The following BCKDHB variants were observed in gnomAD, a reference collection of about 807,000 sequenced individuals.
BCKDHB encodes 2-oxoisovalerate dehydrogenase subunit beta, mitochondrial.
A neutral mutation model predicts 48.5 loss-of-function variants in BCKDHB; 41 were observed. The observed-to-expected ratio is 0.85, with a 90% CI of 0.66 to 1.10. The LOEUF (loss-of-function observed/expected upper bound fraction) is 1.10, where lower values mean the gene tolerates loss of function less well. Ranked by LOEUF, BCKDHB falls within the 50% of genes least tolerant of loss-of-function variation. The pLI is 0.00. For missense variants in BCKDHB, 496 were observed against 494.2 expected (o/e 1.00, Z -0.03); for synonymous variants, 201 against 174.8 (o/e 1.15, Z -1.18).
At position 80,218,995 on chromosome 6, in the gene BCKDHB, T is replaced by C. The variant is rs530117371; in HGVS notation, c.951+15783T>C. Among the ~76,000 whole-genome samples the C allele has an allele frequency of 6.8e-4, 104 of 152,298 alleles. 1 individual carries two copies. In the Middle Eastern group the frequency reaches 0.017, roughly 25 times the overall value. On this transcript the variant is annotated intron_variant, in intron 8 of 9. Coordinates refer to ENST00000320393, the MANE Select transcript of BCKDHB (RefSeq NM_183050.4). The stretch of plus-strand genomic sequence containing the variant: ...ACCCTAAAAGGAGATTCTCTTGGCA[T>C]CTAGATCAAATGGTTTGCCTTTTAA...
At chr6:80,314,307 G>A (rs1768324236) in intron 9 of BCKDHB, among the ~76,000 whole-genome samples, 1 of 152,318 alleles carries the variant, frequency 6.6e-6, no homozygotes, top group Middle Eastern at 3.4e-3. Flanking sequence ...ACTGGGATCA[G>A]GGTCCCACTT....
the BCKDHB span, among the ~76,000 whole-genome samples, chr6:80,428,679 T>G: frequency 1.3e-5 from 2 of 152,238 alleles, no homozygotes; most frequent in African/African-American, 4.8e-5. Flanking sequence ...TTTTGAGAAG[T>G]GTCTATTCAT....
intron 6 of BCKDHB, among the ~76,000 whole-genome samples, chr6:80,190,124 C>A (rs1429905078): frequency 6.6e-6 from 1 of 152,006 alleles, no homozygotes; most frequent in Non-Finnish European, 1.5e-5. Context: ...ATCACACCTG[C>A]TTTATGGAAT....
intron 8 of BCKDHB, among the ~76,000 whole-genome samples, chr6:80,263,779 T>C (rs1360219255): frequency 6.6e-6 from 1 of 152,114 alleles, no homozygotes; most frequent in Non-Finnish European, 1.5e-5. Context: ...CAGTGTAAAA[T>C]GTAACTGGCT....
the BCKDHB span, among the ~76,000 whole-genome samples, chr6:80,405,206 A>G: frequency 6.6e-6 from 1 of 152,128 alleles, no homozygotes; most frequent in Non-Finnish European, 1.5e-5. Context: ...TACTTTACAT[A>G]TCTAGGTACT....
At chr6:80,275,823 T>C (rs958157391) in intron 9 of BCKDHB, among the ~76,000 whole-genome samples, 1 of 151,994 alleles carries the variant, frequency 6.6e-6, no homozygotes, top group Non-Finnish European at 1.5e-5. Context: ...TTCCATATTA[T>C]AAGTGAAACC....
chr6:80,338,539 T>G (rs1052976620), intron 9 of BCKDHB, among the ~76,000 whole-genome samples: 19 of 152,196 alleles, frequency 1.2e-4, no homozygotes, highest in Non-Finnish European at 4.4e-5. Context: ...CTTACGTATT[T>G]TTGGTATTTT....
At position 80,345,700 on chromosome 6, in the gene BCKDHB, CT is replaced by C. The variant is rs1373668708; in HGVS notation, c.*1900del. 6.6e-6 allele frequency: 1 copy of C among 152,192 alleles called. No homozygotes were observed. Among genetic ancestry groups the C allele is most frequent in the East Asian group, 1.9e-4 (1 of 5,198 alleles). 9.4% of individuals were successfully genotyped at this position (152,192 alleles called of 1,614,324 possible). A position where few individuals can be genotyped will look rare whatever the true frequency, so the allele number is the denominator to read the frequency against. On this transcript the variant is annotated 3_prime_UTR_variant, in exon 10 of 10. Transcript: ENST00000320393. ...TAGAGCTGGTTAGAGGACTCCTTCA[CT>C]TTTGTTGTCCATGTGGTTCCCTTCC...
chr6:80,258,092 T>C (rs1185042898), intron 8 of BCKDHB, among the ~76,000 whole-genome samples: 2 of 152,298 alleles, frequency 1.3e-5, no homozygotes, highest in Admixed American at 6.5e-5. Flanking sequence ...GTACTATGTA[T>C]CCTCAGTTTC....
intron 1 of BCKDHB, among the ~76,000 whole-genome samples, chr6:80,124,312 G>A (rs1770214878): frequency 6.6e-6 from 1 of 152,106 alleles, no homozygotes; most frequent in African/African-American, 2.4e-5. Context: ...TTTACTTCCA[G>A]TTATGTGGTC....
the BCKDHB span, among the ~76,000 whole-genome samples, chr6:80,427,975 G>T: frequency 9.2e-5 from 14 of 151,716 alleles, no homozygotes; most frequent in Non-Finnish European, 1.8e-4. Context: ...GTGGTTTGCT[G>T]CACCGTCACC....
chr6:80,205,811 TGTGTGTGTGTGTGTGTGTGTGTGTAG>T (rs1774622731), intron 8 of BCKDHB, among the ~76,000 whole-genome samples: 1 of 147,104 alleles, frequency 6.8e-6, no homozygotes, highest in Non-Finnish European at 1.5e-5. Flanking sequence ...TGTGTGTGTG[TGTGTGTGTGTGTGTGTGTGTGTGTAG>T]GTGGATTGGC....
chr6:80,133,021 T>A (rs2127732188), intron 3 of BCKDHB, among the ~76,000 whole-genome samples: 1 of 152,320 alleles, frequency 6.6e-6, no homozygotes, highest in African/African-American at 2.4e-5. Flanking sequence ...TAGTTCAATA[T>A]AACAATCAAG....
chr6:80,159,989 G>T (rs1262885797), intron 3 of BCKDHB, among the ~76,000 whole-genome samples: 1 of 152,162 alleles, frequency 6.6e-6, no homozygotes, highest in Non-Finnish European at 1.5e-5. Context: ...ATAATGGAAA[G>T]AAGAAATTTA....
At chr6:80,370,818 A>ATG in the BCKDHB span, among the ~76,000 whole-genome samples, 944 of 146,106 alleles carry the variant, frequency 6.5e-3, 9 homozygotes, top group South Asian at 0.011. Flanking sequence ...GTATATATAT[A>ATG]TGTGTGTGTG....
At chr6:80,403,847 A>G in the BCKDHB span, among the ~76,000 whole-genome samples, 1 of 152,012 alleles carries the variant, frequency 6.6e-6, no homozygotes, top group African/African-American at 2.4e-5. Flanking sequence ...TATGTTTCTT[A>G]TCCTTCATTC....
intron 9 of BCKDHB, among the ~76,000 whole-genome samples, chr6:80,276,524 A>G (rs1186158900): frequency 2.0e-5 from 3 of 151,908 alleles, no homozygotes; most frequent in East Asian, 1.9e-4. Context: ...TGGCATTACT[A>G]TTTAAAGCTT....
chr6:80,422,257 T>C, the BCKDHB span, among the ~76,000 whole-genome samples: 1 of 152,276 alleles, frequency 6.6e-6, no homozygotes, highest in East Asian at 1.9e-4. Flanking sequence ...CTATGTGGTG[T>C]TGGGTCTGCA....
chr6:80,456,099 C>A, the BCKDHB span, among the ~76,000 whole-genome samples: 3 of 151,926 alleles, frequency 2.0e-5, no homozygotes, highest in Non-Finnish European at 4.4e-5. Context: ...CCTGTAGTCC[C>A]AGCTACTCGG....
Sources: allele counts gnomAD v4.1 joint callset (sites outside exome capture counted in the v4.1 genomes callset), GRCh38; gene constraint gnomAD v4.1.1; transcripts MANE v1.5; gene names NCBI Gene and HGNC (gene_info 2026-07-23, HGNC 2026-07-21).